PAXIP1: variants seen among roughly 807,000 people sequenced by gnomAD.
PAXIP1 encodes the protein PAX-interacting protein 1.
Under a neutral mutation model 140.6 loss-of-function variants are expected in PAXIP1, and 19 were observed. The ratio of observed to expected loss-of-function variants is 0.14; its 90% CI spans 0.09 to 0.20. The LOEUF (loss-of-function observed/expected upper bound fraction) is 0.20. Among genes scored for constraint, PAXIP1 ranks in the 10% least tolerant of loss-of-function variants. PAXIP1 has a pLI of 1.00. For missense variants in PAXIP1, 920 were observed against 1,208.6 expected, an observed-to-expected ratio of 0.76 and a Z score of 3.54; for synonymous variants, 442 against 444.6, an observed-to-expected ratio of 0.99 and a Z score of 0.07.
At position 154,968,789 on chromosome 7, in the gene PAXIP1, G is replaced by A. The variant is rs1387240671; in HGVS notation, c.1412C>T (p.Pro471Leu). The A allele has an allele frequency of 1.4e-6, 1 of 722,182 alleles. No homozygotes were observed. The highest frequency in any genetic ancestry group is 2.7e-5 in the East Asian group (1 of 37,286). The allele number at this position is 722,182 out of a possible 1,614,324, so 44.7% of individuals were successfully genotyped here. A position where few individuals can be genotyped will look rare whatever the true frequency, so the allele number is the denominator to read the frequency against. ...HQFSQQQLQF[P>L]QQQLHPPQQL... ...CTGTGGAGGATGCAACTGTTGCTGT[G>A]GAAACTGTAGCTGTTGCTGTGAAAA... is the stretch of plus-strand genomic sequence containing the variant. Residue 471 changes from proline (P) to leucine (L), a missense_variant, in exon 7 of 21, where the codon CCA becomes CTA. Transcript: ENST00000404141.
intron 5 of PAXIP1, among the ~76,000 whole-genome samples, chr7:154,978,593 C>T (rs1003834121): frequency 3.3e-5 from 5 of 152,088 alleles, no homozygotes; most frequent in African/African-American, 1.2e-4. Flanking sequence ...CTACCCATTC[C>T]AGAAAAACCC....
chr7:154,966,077 C>G (rs966613472), intron 8 of PAXIP1, among the ~76,000 whole-genome samples: 1 of 152,200 alleles, frequency 6.6e-6, no homozygotes, highest in African/African-American at 2.4e-5. Context: ...ATGTTTCACT[C>G]TCTGCTGGCA....
intron 6 of PAXIP1, among the ~76,000 whole-genome samples, chr7:154,975,429 C>G (rs1563377470): frequency 6.6e-6 from 1 of 152,186 alleles, no homozygotes; most frequent in African/African-American, 2.4e-5. Context: ...TACTCCATCA[C>G]TGACATCCTG....
Position 154,961,661 on chromosome 7 carries a change from G to A in PAXIP1, c.2128-13C>T. The A allele has an allele frequency of 6.4e-7, 1 of 1,571,874 alleles. No individual in the cohort carries two copies. Among genetic ancestry groups the A allele is most frequent in the Non-Finnish European group, 8.6e-7 (1 of 1,159,402 alleles). Reference sequence around the variant, plus strand: ...TCACAGAAATAATCTAAGAAAAAAAGAGAAAATAAGGTAAACACAAAATAA... The same window carrying A: ...TCACAGAAATAATCTAAGAAAAAAAAAGAAAATAAGGTAAACACAAAATAA... On this transcript the variant is annotated splice_polypyrimidine_tract_variant and intron_variant, in intron 10 of 20. Coordinates refer to ENST00000404141, the MANE Select transcript of PAXIP1 (RefSeq NM_007349.4).
upstream of PAXIP1, among the ~76,000 whole-genome samples, chr7:155,003,279 C>A (rs909498339): frequency 6.6e-6 from 1 of 151,476 alleles, no homozygotes; most frequent in Non-Finnish European, 1.5e-5. Flanking sequence ...CTGGCCCTTG[C>A]GGTTCCGTGG....
At chr7:154,950,791 G>C (rs1242332416) in intron 16 of PAXIP1, 2 of 152,214 alleles carry the variant, frequency 1.3e-5, no homozygotes, top group Non-Finnish European at 2.9e-5. Flanking sequence ...ATTATTTAGT[G>C]CTAAAAAGAA....
chr7:154,981,598 C>A (rs1356827974), intron 5 of PAXIP1, among the ~76,000 whole-genome samples: 1 of 152,008 alleles, frequency 6.6e-6, no homozygotes, highest in African/African-American at 2.4e-5. Context: ...CGTTTAGTAT[C>A]AACTTTTAAA....
intron 4 of PAXIP1, among the ~76,000 whole-genome samples, chr7:154,984,171 T>G (rs1809964113): frequency 6.6e-6 from 1 of 152,236 alleles, no homozygotes; most frequent in Non-Finnish European, 1.5e-5. Context: ...CACCCAGGTC[T>G]AACTCCAAAC....
intron 4 of PAXIP1, among the ~76,000 whole-genome samples, chr7:154,990,390 T>G (rs1246598070): frequency 6.6e-6 from 1 of 152,086 alleles, no homozygotes; most frequent in African/African-American, 2.4e-5. Flanking sequence ...GAAAACGAAA[T>G]GAGTATTTTA....
chr7:154,963,078 G>A lies in PAXIP1; in HGVS notation c.1989+593C>T, dbSNP rs968485101. Among the ~76,000 whole-genome samples, 1 of 152,266 alleles carries A rather than the reference G, an allele frequency of 6.6e-6. No individual in the cohort carries two copies. Among genetic ancestry groups the A allele is most frequent in the South Asian group, 2.1e-4 (1 of 4,820 alleles). ...TCTGTAAGGGACCTGGTCTTTACAC[G>A]CTTGTGTGCAAGTCACACACCAGTA... On this transcript the variant is annotated intron_variant, in intron 9 of 20. Transcript: ENST00000404141. The surrounding 1 kb of genome is among the most constrained non-coding windows in gnomAD (Gnocchi z 4.1).
At chr7:154,983,815 T>C (rs1222433923) in intron 4 of PAXIP1, 1 of 153,896 alleles carries the variant, frequency 6.5e-6, no homozygotes, top group Non-Finnish European at 1.4e-5. Context: ...GATAAAAATA[T>C]GGTGGCTTGT....
Position 154,956,951 on chromosome 7 carries a change from C to T in PAXIP1, c.2549+273G>A. On this transcript the variant is annotated intron_variant, in intron 14 of 20. Transcript: ENST00000404141. This position sits in a 1 kb window ranked among gnomAD's most constrained non-coding sequence, Gnocchi z 4.2. Reference sequence around the variant, plus strand: ...GCTGGGTTCTAGACCTCCCACCCCACTTCCACCACTGCAACTTCTGTTTTA... The same window carrying T: ...GCTGGGTTCTAGACCTCCCACCCCATTTCCACCACTGCAACTTCTGTTTTA... 6.9e-6 allele frequency: 2 copies of T among 288,922 alleles called. No homozygotes were observed. The allele number at this position is 288,922 out of a possible 1,614,324, so 17.9% of individuals were successfully genotyped here.
rs1808402391 is a variant in PAXIP1 at position 154,954,063 on chromosome 7, T to C, written c.2821+192A>G. On this transcript the variant is annotated intron_variant, in intron 16 of 20. Transcript: ENST00000404141. This position sits in a 1 kb window ranked among gnomAD's most constrained non-coding sequence, Gnocchi z 5.1. ...AATATTGTCCAATTTACCAAAACTT[T>C]TACACCTAGGGTAAAATGCAAAGAC... 6.6e-6 allele frequency among the ~76,000 whole-genome samples: 1 copy of C among 152,140 alleles called. No homozygotes were observed. Among genetic ancestry groups the C allele is most frequent in the Non-Finnish European group, 1.5e-5 (1 of 68,022 alleles).
intron 12 of PAXIP1, 88 bp downstream of exon 12, chr7:154,960,805 C>G (rs971364243): frequency 3.2e-6 from 3 of 928,976 alleles, no homozygotes; most frequent in Non-Finnish European, 4.6e-6. Context: ...CAAGCCAGGC[C>G]TGGTAATTAG....
chr7:154,984,831 T>G (rs1809995923), intron 4 of PAXIP1, among the ~76,000 whole-genome samples: 1 of 152,210 alleles, frequency 6.6e-6, no homozygotes, highest in Non-Finnish European at 1.5e-5. Flanking sequence ...TACCAAGATT[T>G]GCCTATCTGT....
chr7:154,961,418 C>T (rs1055689202), intron 11 of PAXIP1, 109 bp downstream of exon 11: 80 of 904,824 alleles, frequency 8.8e-5, no homozygotes, highest in Non-Finnish European at 1.2e-4. Context: ...TTGATTTCCA[C>T]AAATTTCTAC....
chr7:154,985,973 G>C (rs1810051772), intron 4 of PAXIP1: 3 of 1,332,500 alleles, frequency 2.3e-6, no homozygotes, highest in Non-Finnish European at 2.0e-6. Context: ...TCATGACCTA[G>C]CCAGGCTCTC....
chr7:154,961,458 C>T lies in PAXIP1; in HGVS notation c.2249+69G>A, dbSNP rs538845969. 12 of 1,306,940 alleles carry T rather than the reference C, an allele frequency of 9.2e-6. No individual in the cohort carries two copies. In the African/African-American group the frequency reaches 1.2e-4, roughly 13 times the overall value. 81.0% of individuals were successfully genotyped at this position (1,306,940 alleles called of 1,614,324 possible). A position where few individuals can be genotyped will look rare whatever the true frequency, so the allele number is the denominator to read the frequency against. The stretch of plus-strand genomic sequence containing the variant: ...AAACTATGACATACTAAAAAAGGCA[C>T]AATTATTGAAATAGCCACTATATTG... On this transcript the variant is annotated intron_variant, in intron 11 of 20. Transcript: ENST00000404141.
rs773806700 is a variant in PAXIP1 at position 154,955,510 on chromosome 7, G to A, written c.2652+19C>T. 2.9e-5 allele frequency: 42 copies of A among 1,470,960 alleles called. No individual in the cohort carries two copies. The highest frequency in any genetic ancestry group is 3.8e-5 in the Non-Finnish European group (40 of 1,051,520). The allele number at this position is 1,470,960 out of a possible 1,614,324, so 91.1% of individuals were successfully genotyped here. A position where few individuals can be genotyped will look rare whatever the true frequency, so the allele number is the denominator to read the frequency against. On this transcript the variant is annotated intron_variant, in intron 15 of 20. Transcript: ENST00000404141. ...AGGACACTGCTAAAAATCCTTGTAC[G>A]AAGTAGATGAAATTTCACCTTAATA...
Sources: gnomAD v4.1 joint callset for allele counts (sites outside exome capture counted in the v4.1 genomes callset) on GRCh38, gnomAD v4.1.1 for gene constraint, Gnocchi (gnomAD v3.1) non-coding constraint, MANE v1.5 for transcripts, NCBI Gene and HGNC (gene_info 2026-07-23, HGNC 2026-07-21) for gene names.